ABCA9: variants seen among roughly 807,000 people sequenced by gnomAD.
ABCA9 encodes the protein ATP binding cassette subfamily A member 9, also known as ATP-binding cassette sub-family A member 9.
A neutral mutation model predicts 205.3 loss-of-function variants in ABCA9; 183 were observed. That is an observed-to-expected ratio of 0.89 (90% CI 0.79 to 1.01). The LOEUF (loss-of-function observed/expected upper bound fraction) is 1.01. Ranked by LOEUF, ABCA9 falls within the 50% of genes least tolerant of loss-of-function variation. The pLI, the probability that ABCA9 is intolerant of heterozygous loss-of-function variation, is 0.00. For synonymous variants in ABCA9, 651 were observed against 683.3 expected, an observed-to-expected ratio of 0.95 and a Z score of 0.74; for missense variants, 1,805 against 1,912.4, an observed-to-expected ratio of 0.94 and a Z score of 1.05.
intron 8 of ABCA9, 47 bp from the exon 9 acceptor site, chr17:69,033,920 TA>T (rs753448751): frequency 4.9e-5 from 68 of 1,401,276 alleles, no homozygotes; most frequent in Non-Finnish European, 6.5e-5. Flanking sequence ...AATATGGCAT[TA>T]AGAATTATTA....
At chr17:68,994,537 A>C (rs1025533194) in intron 26 of ABCA9, among the ~76,000 whole-genome samples, 1 of 152,118 alleles carries the variant, frequency 6.6e-6, no homozygotes, top group Non-Finnish European at 1.5e-5. Flanking sequence ...GTCCATCCTA[A>C]TGACCTACGT....
In ABCA9 at chr17:69,051,070, G is replaced by A; in HGVS notation, c.57C>T (p.Asn19=). The A allele has an allele frequency of 6.2e-7, 1 of 1,613,692 alleles. No individual in the cohort carries two copies. The highest frequency in any genetic ancestry group is 8.5e-7 in the Non-Finnish European group (1 of 1,179,810). The change falls in exon 2 of 39, where the codon AAC becomes AAT. Residue 19 remains asparagine (N), a synonymous_variant. Coordinates refer to ENST00000340001, the MANE Select transcript of ABCA9 (RefSeq NM_080283.4). ...TTTTCATTCTCCATTTTTTGAGACA[G>A]TTCTTGCAGAGAAGAGCCCATGTTT... The part of the protein sequence containing the change: ...GQQTWALLCK[N]CLKKWRMKRQ...
chr17:69,004,131 C>A (rs1302678744), intron 25 of ABCA9, among the ~76,000 whole-genome samples: 2 of 152,248 alleles, frequency 1.3e-5, no homozygotes, highest in Non-Finnish European at 2.9e-5. Flanking sequence ...CAAAGTCATT[C>A]TCCATCCAGC....
At chr17:68,997,083 A>T (rs2069648715) in intron 25 of ABCA9, among the ~76,000 whole-genome samples, 1 of 152,230 alleles carries the variant, frequency 6.6e-6, no homozygotes, top group African/African-American at 2.4e-5. Flanking sequence ...GGCACATGCC[A>T]TCACGCCCAG....
At chr17:69,012,936 T>C in intron 22 of ABCA9, among the ~76,000 whole-genome samples, 1 of 152,174 alleles carries the variant, frequency 6.6e-6, no homozygotes. Flanking sequence ...CTGTTTTAAT[T>C]TTCAGATCCC....
intron 6 of ABCA9, among the ~76,000 whole-genome samples, chr17:69,041,740 T>C (rs982905310): frequency 2.6e-5 from 4 of 151,772 alleles, no homozygotes; most frequent in African/African-American, 9.7e-5. Flanking sequence ...TATCTATCTA[T>C]CTATCTATCT....
intron 29 of ABCA9, 133 bp downstream of exon 29, chr17:68,990,704 T>C (rs2144029063): frequency 2.8e-6 from 3 of 1,087,178 alleles, no homozygotes; most frequent in Non-Finnish European, 3.9e-6. Flanking sequence ...GCATACCTGC[T>C]GAAGTCAAGT....
Position 68,990,828 on chromosome 17 carries a change from G to A in ABCA9, c.3837+9C>T. The stretch of plus-strand genomic sequence containing the variant: ...AAAATAGTTGACGAAGAACATTTCT[G>A]AGTTCTACCTCATCAAAGTCTCGCA... On this transcript the variant is annotated intron_variant, in intron 29 of 38. Transcript: ENST00000340001. 1.2e-6 allele frequency: 2 copies of A among 1,601,832 alleles called. No individual in the cohort carries two copies. Among genetic ancestry groups the A allele is most frequent in the Non-Finnish European group, 1.7e-6 (2 of 1,177,198 alleles).
At chr17:69,000,829 G>A (rs1400822110) in intron 25 of ABCA9, among the ~76,000 whole-genome samples, 1 of 149,258 alleles carries the variant, frequency 6.7e-6, no homozygotes, top group African/African-American at 2.5e-5. Flanking sequence ...TCCTTGAAGA[G>A]GTCCTTCACA....
In ABCA9 at chr17:69,023,804, G is replaced by A. The variant is rs1443766591; in HGVS notation, c.2281+410C>T. Among the ~76,000 whole-genome samples, 2 of 151,958 alleles carry A rather than the reference G, an allele frequency of 1.3e-5. No individual in the cohort carries two copies. Among genetic ancestry groups the A allele is most frequent in the Non-Finnish European group, 2.9e-5 (2 of 68,002 alleles). On this transcript the variant is annotated intron_variant, in intron 17 of 38. Transcript: ENST00000340001. The surrounding 1 kb of genome is among the most constrained non-coding windows in gnomAD (Gnocchi z 4.2). ...ACTTGGATTATATCAGTATGTGCTG[G>A]TGTTTCTAAAACAACCTATTTATTG...
intron 1 of ABCA9, among the ~76,000 whole-genome samples, chr17:69,056,619 A>G (rs2072077119): frequency 6.6e-6 from 1 of 152,202 alleles, no homozygotes. Context: ...TCAACACTCT[A>G]CAATCTCTTC....
At chr17:69,046,948 T>C (rs971107792) in intron 3 of ABCA9, among the ~76,000 whole-genome samples, 6 of 146,692 alleles carry the variant, frequency 4.1e-5, no homozygotes, top group South Asian at 4.2e-4. Flanking sequence ...TATATATATA[T>C]ATATAATTGT....
intron 3 of ABCA9, among the ~76,000 whole-genome samples, chr17:69,048,504 CA>C (rs767885051): frequency 2.6e-5 from 4 of 152,174 alleles, no homozygotes; most frequent in Non-Finnish European, 4.4e-5. Flanking sequence ...TCTGGAATGA[CA>C]AGGTTCTTCA....
In ABCA9 at chr17:69,032,142, C is replaced by G. The variant is rs1199806059; in HGVS notation, c.1411G>C (p.Val471Leu). ...TCTTTCCCACAGAATTCTGGAGACA[C>G]TGGTTCAAAACAGTCATTAGGTGTA... ...DPTPNDCFEP[V>L]SPEFCGKEAI... The change falls in exon 10 of 39, where the codon GTG becomes CTG. Residue 471 changes from valine (V) to leucine (L), a missense_variant. Physicochemically the swap from Val to Leu is conservative, Grantham distance 32 (BLOSUM62 1). Transcript: ENST00000340001. 6.2e-7 allele frequency: 1 copy of G among 1,613,278 alleles called. No homozygotes were observed. Among genetic ancestry groups the G allele is most frequent in the Middle Eastern group, 1.7e-4 (1 of 6,052 alleles).
At chr17:68,982,107 A>G (rs2143950190) in intron 37 of ABCA9, among the ~76,000 whole-genome samples, 1 of 152,352 alleles carries the variant, frequency 6.6e-6, no homozygotes, top group Middle Eastern at 3.4e-3. Context: ...ATAGATGGCT[A>G]TAAAACAATA....
intron 17 of ABCA9, among the ~76,000 whole-genome samples, chr17:69,022,625 C>T (rs539701035): frequency 1.6e-4 from 25 of 152,146 alleles, no homozygotes; most frequent in African/African-American, 6.0e-4. Flanking sequence ...GCCTCAGCCT[C>T]CCAAAGGGCT....
At chr17:69,060,598 C>T (rs1466102131) in intron 1 of ABCA9, among the ~76,000 whole-genome samples, 2 of 150,358 alleles carry the variant, frequency 1.3e-5, no homozygotes, top group African/African-American at 2.5e-5. Flanking sequence ...CATAACGTGA[C>T]ATTTCTTTTG....
chr17:69,069,523 C>T, the ABCA9 span, among the ~76,000 whole-genome samples: 2 of 152,032 alleles, frequency 1.3e-5, no homozygotes, highest in South Asian at 4.1e-4. Context: ...GTTGCTGCTA[C>T]TTCCTGTTGG....
At chr17:69,071,970 T>A in the ABCA9 span, among the ~76,000 whole-genome samples, 1 of 152,078 alleles carries the variant, frequency 6.6e-6, no homozygotes, top group Non-Finnish European at 1.5e-5. Flanking sequence ...AATAGCTGAA[T>A]CGATCAAACA....
Sources: gnomAD v4.1 joint callset for allele counts (sites outside exome capture counted in the v4.1 genomes callset) on GRCh38, gnomAD v4.1.1 for gene constraint, Gnocchi (gnomAD v3.1) non-coding constraint, MANE v1.5 for transcripts, NCBI Gene and HGNC (gene_info 2026-07-23, HGNC 2026-07-21) for gene names.